Variants in MYO18B observed in about 807,000 individuals in gnomAD.
MYO18B encodes the protein myosin XVIIIB, also known as unconventional myosin-XVIIIb.
MYO18B carries 204 observed loss-of-function variants against 273.0 expected under a neutral mutation model. That is an observed-to-expected ratio of 0.75 (90% CI 0.67 to 0.84). MYO18B has a LOEUF of 0.84. Among genes scored for constraint, MYO18B ranks in the 40% least tolerant of loss-of-function variants. MYO18B has a pLI of 0.00. For synonymous variants in MYO18B, 1,330 were observed against 1,305.7 expected, an observed-to-expected ratio of 1.02 and a Z score of -0.40; for missense variants, 3,212 against 3,287.6, an observed-to-expected ratio of 0.98 and a Z score of 0.56.
intron 17 of MYO18B, among the ~76,000 whole-genome samples, chr22:25,837,322 A>T (rs2089936068): frequency 6.6e-6 from 1 of 152,174 alleles, no homozygotes; most frequent in African/African-American, 2.4e-5. Flanking sequence ...AAGGCAAAAA[A>T]CCAGCACAGG....
At chr22:26,040,295 C>G in the MYO18B span, among the ~76,000 whole-genome samples, 3 of 152,148 alleles carry the variant, frequency 2.0e-5, no homozygotes, top group African/African-American at 7.2e-5. Flanking sequence ...TCTCTATTTA[C>G]TTGGGGCTCT....
intron 21 of MYO18B, among the ~76,000 whole-genome samples, chr22:25,856,427 A>G (rs2090576937): frequency 6.6e-6 from 1 of 152,214 alleles, no homozygotes. Context: ...CATTAATTTC[A>G]TCCAACTTTA....
chr22:25,949,968 A>G (rs1158385230), intron 36 of MYO18B, among the ~76,000 whole-genome samples: 5 of 152,178 alleles, frequency 3.3e-5, no homozygotes, highest in African/African-American at 4.8e-5. Flanking sequence ...TTACGAATGC[A>G]GAGACTCAGG....
chr22:25,917,580 G>GTGTGTGTGTA (rs1208051608), intron 33 of MYO18B, among the ~76,000 whole-genome samples: 1 of 151,344 alleles, frequency 6.6e-6, no homozygotes, highest in Non-Finnish European at 1.5e-5. Flanking sequence ...GTGTGTGTGT[G>GTGTGTGTGTA]TATGCATGTT....
At chr22:25,789,148 A>G (rs972211436) in intron 11 of MYO18B, among the ~76,000 whole-genome samples, 1 of 138,174 alleles carries the variant, frequency 7.2e-6, no homozygotes, top group Admixed American at 7.6e-5. Context: ...CTCCTCCTCC[A>G]TCATCAAGGA....
rs1353926819 is a variant in MYO18B at position 25,941,806 on chromosome 22, CT to C, written c.5518-4329del. Among the ~76,000 whole-genome samples the C allele has an allele frequency of 5.3e-5, 8 of 152,300 alleles. No homozygotes were observed. In the East Asian group the frequency reaches 1.5e-3, roughly 29 times the overall value. On this transcript the variant is annotated intron_variant, in intron 34 of 43. Coordinates refer to ENST00000335473, the MANE Select transcript of MYO18B (RefSeq NM_032608.7). ...CAGATCCTCTTAAAATCTAGACCTG[CT>C]TGACTTGTGTGCCTCTGGGACACTG...
At chr22:25,869,732 A>G (rs181427297) in intron 22 of MYO18B, among the ~76,000 whole-genome samples, 33 of 152,194 alleles carry the variant, frequency 2.2e-4, no homozygotes, top group African/African-American at 7.2e-4. Context: ...TGCATCCGTG[A>G]GAGTGGTCCT....
At chr22:26,004,693 A>G in intron 41 of MYO18B, 25 bp from the exon 42 acceptor site, 1 of 1,612,626 alleles carries the variant, frequency 6.2e-7, no homozygotes, top group Non-Finnish European at 8.5e-7. Flanking sequence ...CATTGTGCTG[A>G]TGGTGTCCTG....
At chr22:25,761,792 C>T (rs1261701812) in intron 2 of MYO18B, among the ~76,000 whole-genome samples, 1 of 152,124 alleles carries the variant, frequency 6.6e-6, no homozygotes, top group African/African-American at 2.4e-5. Flanking sequence ...CTGGGGGTAG[C>T]AGCTAAAATG....
chr22:26,060,987 T>C, the MYO18B span, among the ~76,000 whole-genome samples: 7 of 148,120 alleles, frequency 4.7e-5, no homozygotes, highest in Non-Finnish European at 8.9e-5. Flanking sequence ...TATACACACA[T>C]ACCACATATG....
At chr22:26,005,176 T>G (rs1934320782) in intron 42 of MYO18B, among the ~76,000 whole-genome samples, 1 of 152,216 alleles carries the variant, frequency 6.6e-6, no homozygotes, top group African/African-American at 2.4e-5. Flanking sequence ...GGGTGAACAT[T>G]TTAAAAAATA....
chr22:25,862,087 G>C (rs1483921069), intron 21 of MYO18B, among the ~76,000 whole-genome samples: 1 of 152,134 alleles, frequency 6.6e-6, no homozygotes, highest in East Asian at 1.9e-4. Context: ...ATAACTATCT[G>C]TATGGCATTT....
chr22:25,781,076 C>T (rs1331886027), intron 9 of MYO18B, among the ~76,000 whole-genome samples: 1 of 152,182 alleles, frequency 6.6e-6, no homozygotes, highest in African/African-American at 2.4e-5. Flanking sequence ...TCTGTCCTGG[C>T]CCTGAAATCC....
intron 17 of MYO18B, among the ~76,000 whole-genome samples, chr22:25,840,574 C>T (rs894375046): frequency 3.9e-5 from 6 of 152,256 alleles, no homozygotes; most frequent in Non-Finnish European, 7.3e-5. Context: ...GTGGGGATGA[C>T]GCCTGGCACA....
At chr22:25,784,638 A>G (rs985532707) in intron 10 of MYO18B, among the ~76,000 whole-genome samples, 2 of 152,200 alleles carry the variant, frequency 1.3e-5, no homozygotes, top group South Asian at 2.1e-4. Context: ...CCAGGAACCA[A>G]TTTGAACCAA....
intron 39 of MYO18B, chr22:25,963,938 G>A (rs937007995): frequency 6.6e-6 from 1 of 152,010 alleles, no homozygotes; most frequent in Non-Finnish European, 1.5e-5. Flanking sequence ...TATTCTACCA[G>A]CTCCACATCC....
intron 7 of MYO18B, among the ~76,000 whole-genome samples, chr22:25,773,587 C>A (rs2086805782): frequency 6.6e-6 from 1 of 152,168 alleles, no homozygotes; most frequent in Admixed American, 6.5e-5. Context: ...CCTCAGCCCC[C>A]CGAGTAGCTG....
At chr22:25,829,320 G>C (rs1328281115) in intron 15 of MYO18B, among the ~76,000 whole-genome samples, 1 of 152,170 alleles carries the variant, frequency 6.6e-6, no homozygotes, top group Non-Finnish European at 1.5e-5. Context: ...GCCCAGGGGG[G>C]GAATGCCCTT....
At chr22:25,843,619 G>A (rs1431115222) in intron 17 of MYO18B, 116 bp from the exon 18 acceptor site, 6 of 1,057,014 alleles carry the variant, frequency 5.7e-6, no homozygotes, top group African/African-American at 1.6e-5. Flanking sequence ...CTTCGACCAT[G>A]AGCGTTAGCT....
Sources: allele counts gnomAD v4.1 joint callset (sites outside exome capture counted in the v4.1 genomes callset), GRCh38; gene constraint gnomAD v4.1.1; transcripts MANE v1.5; gene names NCBI Gene and HGNC (gene_info 2026-07-23, HGNC 2026-07-21).